Variants in DNMT3A observed in about 807,000 individuals in gnomAD.
DNMT3A encodes the protein DNA methyltransferase 3 alpha.
In DNMT3A, 267 loss-of-function variants were observed where a neutral mutation model predicts 117.6. The observed-to-expected ratio is 2.27, with a 90% confidence interval of 2.05 to 2.51. The LOEUF is 2.51. Ranked by LOEUF, DNMT3A falls within the 30% of genes most tolerant of loss-of-function variation. The probability of loss-of-function intolerance (pLI) is 0.00; values close to 1 mark genes in which losing one functional copy is unlikely to be tolerated. For synonymous variants in DNMT3A, 432 were observed against 474.8 expected (o/e 0.91, Z 1.17); for missense variants, 1,029 against 1,260.2 (o/e 0.82, Z 2.78).
chr2:25,247,193 T>G lies in DNMT3A; in HGVS notation c.1015-35A>C. The G allele has an allele frequency of 2.5e-6, 4 of 1,603,392 alleles. No homozygotes were observed. Among genetic ancestry groups the G allele is most frequent in the Non-Finnish European group, 3.4e-6 (4 of 1,173,256 alleles). ...CAAGCCAGGCCTTGTTTGCCGAGGC[T>G]TACACTTGCAAGCACCCACCCCATG... On this transcript the variant is annotated intron_variant, in intron 8 of 22. Coordinates refer to ENST00000321117, the MANE Select transcript of DNMT3A (RefSeq NM_022552.5). This position sits in a 1 kb window ranked among gnomAD's most constrained non-coding sequence, Gnocchi z 5.6.
At chr2:25,312,723 G>C (rs2034187204) in intron 2 of DNMT3A, among the ~76,000 whole-genome samples, 1 of 152,178 alleles carries the variant, frequency 6.6e-6, no homozygotes, top group Non-Finnish European at 1.5e-5. Flanking sequence ...GGAAAACTAG[G>C]AAACAGAAAC....
rs183248211 is a variant in DNMT3A at position 25,273,482 on chromosome 2, A to G, written c.639+1459T>C. On this transcript the variant is annotated intron_variant, in intron 6 of 22. Transcript: ENST00000321117. ...CCGCCTTCCCCTGGAGGCCTGGGGT[A>G]AAGACGAAATGAGAGCTGAGTTCAC... is the stretch of plus-strand genomic sequence containing the variant. Among the ~76,000 whole-genome samples, 222 of 152,298 alleles carry G rather than the reference A, an allele frequency of 1.5e-3. 6 individuals are homozygous for G. The highest frequency in any genetic ancestry group is 2.2e-4 in the Non-Finnish European group (15 of 68,032).
chr2:25,264,569 G>A (rs1471001151), intron 6 of DNMT3A, among the ~76,000 whole-genome samples: 3 of 151,702 alleles, frequency 2.0e-5, no homozygotes, highest in Non-Finnish European at 2.9e-5. Context: ...CCGGGTTCAC[G>A]CCATTCTCCT....
In DNMT3A at chr2:25,311,765, G is replaced by A. The variant is rs904451206; in HGVS notation, c.72+2148C>T. 1.3e-5 allele frequency among the ~76,000 whole-genome samples: 2 copies of A among 152,152 alleles called. No homozygotes were observed. Among genetic ancestry groups the A allele is most frequent in the African/African-American group, 4.8e-5 (2 of 41,422 alleles). ...ACCACCCTTTAAAACAGGCAAGGCT[G>A]GAGTCACTATCCCCATTTTCCAGCT... On this transcript the variant is annotated intron_variant, in intron 2 of 22. Coordinates refer to ENST00000321117, the MANE Select transcript of DNMT3A (RefSeq NM_022552.5). The surrounding 1 kb of genome is among the most constrained non-coding windows in gnomAD (Gnocchi z 5.2).
Position 25,324,559 on chromosome 2 carries a change from G to A in DNMT3A, c.-177-10398C>T, listed in dbSNP as rs1417403022. On this transcript the variant is annotated intron_variant, in intron 1 of 22. Coordinates refer to ENST00000321117, the MANE Select transcript of DNMT3A (RefSeq NM_022552.5). ...ATTTCCTATTTGAGCTTAGGAGGAG[G>A]TGCAAATGTGGGTGACAGAAGGCAG... 2.6e-5 allele frequency among the ~76,000 whole-genome samples: 4 copies of A among 152,202 alleles called. No homozygotes were observed. The East Asian group carries it at 7.7e-4, about 29-fold the overall frequency.
At position 25,228,200 on chromosome 2, in the gene DNMT3A, T is replaced by TAAAAAAAA; in HGVS notation, c.*6071_*6078dup. 8.0e-4 allele frequency: 2 copies of TAAAAAAAA among 2,506 alleles called. 1 individual carries two copies. Among genetic ancestry groups the TAAAAAAAA allele is most frequent in the Non-Finnish European group, 1.4e-3 (2 of 1,410 alleles). 0.2% of individuals were successfully genotyped at this position (2,506 alleles called of 1,614,324 possible). ...TTGTCAATAAATAGAGAAGCAACCC[T>TAAAAAAAA]AAAAAAAAAAAAAAAAAAAAAAAAA... is the stretch of plus-strand genomic sequence containing the variant. On this transcript the variant is annotated 3_prime_UTR_variant, in exon 23 of 23. Transcript: ENST00000321117.
Position 25,247,133 on chromosome 2 carries a change from A to T in DNMT3A, c.1040T>A (p.Leu347Gln), listed in dbSNP as rs1474463141. 2 of 1,614,050 alleles carry T rather than the reference A, an allele frequency of 1.2e-6. No individual in the cohort carries two copies. Among genetic ancestry groups the T allele is most frequent in the African/African-American group, 1.3e-5 (1 of 75,032 alleles). The change falls in exon 9 of 23, where the codon CTG (leucine) becomes CAG (glutamine). Residue 347 changes from leucine to glutamine, a missense_variant. Leu to Gln is a moderately radical substitution (Grantham distance 113). Transcript: ENST00000321117. The surrounding 1 kb of genome is among the most constrained non-coding windows in gnomAD (Gnocchi z 5.6). Reference protein sequence around the residue: ...SVVCVEKLMPLSSFCSAFHQA... With the variant: ...SVVCVEKLMPQSSFCSAFHQA... ...GTGGAACGCACTGCAAAACGAGCTC[A>T]GCGGCATCAGCTTCTCAACACACAC...
intron 2 of DNMT3A, among the ~76,000 whole-genome samples, chr2:25,309,935 A>C (rs58154991): frequency 0.027 from 4,080 of 152,130 alleles, 175 homozygotes; most frequent in African/African-American, 0.092. Flanking sequence ...GGGCGCCTGT[A>C]GTCCCAGCTA....
chr2:25,301,812 G>A (rs2033535619), intron 2 of DNMT3A, among the ~76,000 whole-genome samples: 3 of 152,192 alleles, frequency 2.0e-5, no homozygotes, highest in South Asian at 4.1e-4. Flanking sequence ...GCCAACCCAG[G>A]GCAGTGCTGG....
At chr2:25,256,699 C>T (rs5005988) in intron 6 of DNMT3A, among the ~76,000 whole-genome samples, 14,432 of 152,208 alleles carry the variant, frequency 0.095, 912 homozygotes, top group Non-Finnish European at 0.15. Context: ...TCTTTCCCTT[C>T]TGTCCCTTAT....
intron 19 of DNMT3A, 122 bp downstream of exon 19, chr2:25,240,179 CA>C (rs1673811171): frequency 7.0e-7 from 1 of 1,419,496 alleles, no homozygotes; most frequent in Non-Finnish European, 9.6e-7. Flanking sequence ...GCTTCCCAAA[CA>C]GGCCCCTTGC....
At position 25,294,511 on chromosome 2, in the gene DNMT3A, A is replaced by G. The variant is rs2032974061; in HGVS notation, c.177+5628T>C. ...AGGAGTGGGAGACACGATGTCAGGA[A>G]GTTATATGCATAAAAGGTAGGGGCA... On this transcript the variant is annotated intron_variant, in intron 3 of 22. Transcript: ENST00000321117. This position sits in a 1 kb window ranked among gnomAD's most constrained non-coding sequence, Gnocchi z 4.7. 6.6e-6 allele frequency among the ~76,000 whole-genome samples: 1 copy of G among 152,170 alleles called. No individual in the cohort carries two copies. The highest frequency in any genetic ancestry group is 2.1e-4 in the South Asian group (1 of 4,822).
intron 16 of DNMT3A, among the ~76,000 whole-genome samples, chr2:25,242,474 T>C (rs143737937): frequency 8.8e-4 from 134 of 152,292 alleles, no homozygotes; most frequent in African/African-American, 2.8e-3. Context: ...TTTTACAGCC[T>C]CCTGGGGTGT....
intron 6 of DNMT3A, chr2:25,249,537 A>G: frequency 8.9e-7 from 1 of 1,124,594 alleles, no homozygotes; most frequent in Non-Finnish European, 1.3e-6. Context: ...AAATACATGT[A>G]TTCATTCAGT....
chr2:25,275,690 G>T, intron 4 of DNMT3A, 147 bp from the exon 5 acceptor site: 2 of 846,502 alleles, frequency 2.4e-6, no homozygotes, highest in Non-Finnish European at 3.5e-6. Context: ...AAATATGATG[G>T]CCCACCACAT....
chr2:25,320,857 C>T (rs888547498), intron 1 of DNMT3A, among the ~76,000 whole-genome samples: 1 of 152,118 alleles, frequency 6.6e-6, no homozygotes, highest in Non-Finnish European at 1.5e-5. Context: ...ATCGGCCGGG[C>T]GCGGTGGCTC....
In DNMT3A at chr2:25,247,225, AAC is replaced by A; in HGVS notation, c.1015-69_1015-68del. ...TGCAAGCACCCACCCCATGCCTTGC[AAC>A]TGGCAGGGGCTGGGAGCCTCGAGAG... On this transcript the variant is annotated intron_variant, in intron 8 of 22. Transcript: ENST00000321117. The surrounding 1 kb of genome is among the most constrained non-coding windows in gnomAD (Gnocchi z 5.6). The A allele has an allele frequency of 6.6e-7, 1 of 1,509,014 alleles. No individual in the cohort carries two copies. Among genetic ancestry groups the A allele is most frequent in the Non-Finnish European group, 9.1e-7 (1 of 1,095,538 alleles). The allele number at this position is 1,509,014 out of a possible 1,614,324, so 93.5% of individuals were successfully genotyped here.
intron 6 of DNMT3A, among the ~76,000 whole-genome samples, chr2:25,264,073 G>A (rs2029934684): frequency 6.7e-6 from 1 of 150,280 alleles, no homozygotes; most frequent in African/African-American, 2.5e-5. Context: ...GACACACAAG[G>A]TGGTATCTTA....
chr2:25,287,562 C>G (rs1413865902), intron 3 of DNMT3A, among the ~76,000 whole-genome samples: 1 of 152,120 alleles, frequency 6.6e-6, no homozygotes, highest in Non-Finnish European at 1.5e-5. Context: ...CTTTTTGAGG[C>G]AGGTTAAGGC....
Sources: gnomAD v4.1 joint callset for allele counts (sites outside exome capture counted in the v4.1 genomes callset) on GRCh38, gnomAD v4.1.1 for gene constraint, Gnocchi (gnomAD v3.1) non-coding constraint, MANE v1.5 for transcripts, NCBI Gene and HGNC (gene_info 2026-07-23, HGNC 2026-07-21) for gene names.